The following SLMAP variants were observed in gnomAD, a reference collection of about 807,000 sequenced individuals.
SLMAP encodes the protein sarcolemma associated protein, also known as sarcolemmal membrane-associated protein.
SLMAP carries 44 observed loss-of-function variants against 128.8 expected under a neutral mutation model. The observed-to-expected ratio is 0.34, with a 90% confidence interval of 0.27 to 0.44. SLMAP has a LOEUF of 0.44. SLMAP is among the 20% of genes least tolerant of loss of function. SLMAP has a pLI of 1.00. For missense variants in SLMAP, 787 were observed against 985.3 expected (o/e 0.80, Z 2.69); for synonymous variants, 327 against 348.8 (o/e 0.94, Z 0.70).
intron 14 of SLMAP, among the ~76,000 whole-genome samples, chr3:57,875,274 AG>A (rs1261705928): frequency 6.6e-6 from 1 of 152,220 alleles, no homozygotes; most frequent in Non-Finnish European, 1.5e-5. Flanking sequence ...CTGTAATCTC[AG>A]CACTTCAGGA....
At chr3:57,775,060 C>CTT (rs530444970) in intron 2 of SLMAP, among the ~76,000 whole-genome samples, 1 of 145,582 alleles carries the variant, frequency 6.9e-6, no homozygotes. Flanking sequence ...TTATATTTTT[C>CTT]TTTTTTTTTT....
At chr3:57,876,825 T>C (rs1026072227) in intron 14 of SLMAP, among the ~76,000 whole-genome samples, 10 of 152,210 alleles carry the variant, frequency 6.6e-5, no homozygotes, top group Non-Finnish European at 1.2e-4. Flanking sequence ...TTGGTGGGCA[T>C]AGAGTGAGAG....
intron 17 of SLMAP, among the ~76,000 whole-genome samples, chr3:57,903,721 C>T (rs1381817888): frequency 6.6e-6 from 1 of 152,192 alleles, no homozygotes; most frequent in Non-Finnish European, 1.5e-5. Context: ...TAAACATATA[C>T]AATTCATGTT....
intron 2 of SLMAP, among the ~76,000 whole-genome samples, chr3:57,813,866 CTT>C (rs1006867214): frequency 1.3e-5 from 2 of 152,042 alleles, no homozygotes; most frequent in African/African-American, 4.8e-5. Flanking sequence ...CTTTGCCAAA[CTT>C]ATATTAAACA....
At chr3:57,828,964 G>T (rs1047559680) in intron 2 of SLMAP, among the ~76,000 whole-genome samples, 6 of 151,914 alleles carry the variant, frequency 3.9e-5, no homozygotes, top group Admixed American at 1.3e-4. Flanking sequence ...GTATTTTTTT[G>T]TAGGGATGGG....
intron 3 of SLMAP, among the ~76,000 whole-genome samples, chr3:57,833,791 A>T (rs890008925): frequency 9.4e-5 from 12 of 127,102 alleles, no homozygotes; most frequent in Non-Finnish European, 1.8e-4. Flanking sequence ...GATTAGATTT[A>T]AAAAAAAAAA....
At chr3:57,803,502 T>TA (rs1208908073) in intron 2 of SLMAP, among the ~76,000 whole-genome samples, 1 of 152,278 alleles carries the variant, frequency 6.6e-6, no homozygotes, top group Non-Finnish European at 1.5e-5. Context: ...CAAAGCCATC[T>TA]AGATCCTTGT....
At chr3:57,915,646 A>G (rs544814630) in intron 21 of SLMAP, among the ~76,000 whole-genome samples, 12 of 152,318 alleles carry the variant, frequency 7.9e-5, no homozygotes, top group African/African-American at 2.6e-4. Flanking sequence ...GTCTTGAATG[A>G]TCCATTCTGA....
At chr3:57,890,014 G>T (rs2096015512) in intron 14 of SLMAP, 27 bp from the exon 15 acceptor site, 7 of 1,548,078 alleles carry the variant, frequency 4.5e-6, no homozygotes, top group Non-Finnish European at 6.3e-6. Context: ...TTTGGGCTTG[G>T]ATGGTAACGT....
chr3:57,799,221 G>A (rs1416648421), intron 2 of SLMAP, among the ~76,000 whole-genome samples: 1 of 152,194 alleles, frequency 6.6e-6, no homozygotes, highest in East Asian at 1.9e-4. Context: ...TTTGCTAATC[G>A]TAATAACTTT....
At position 57,811,828 on chromosome 3, in the gene SLMAP, G is replaced by T. The variant is rs974541024; in HGVS notation, c.199-19555G>T. On this transcript the variant is annotated intron_variant, in intron 2 of 24. Coordinates refer to ENST00000671191, the MANE Select transcript of SLMAP (RefSeq NM_001377540.1). ...TGTTTGCATTTCTCTAATGATTAGT[G>T]ATGTTCAGCATCTTTTCATGTGCTT... Among the ~76,000 whole-genome samples the T allele has an allele frequency of 2.0e-5, 3 of 152,274 alleles. No homozygotes were observed. In the East Asian group the frequency reaches 5.8e-4, roughly 29 times the overall value.
intron 6 of SLMAP, among the ~76,000 whole-genome samples, chr3:57,854,900 T>A (rs2094695499): frequency 6.6e-6 from 1 of 152,222 alleles, no homozygotes; most frequent in African/African-American, 2.4e-5. Flanking sequence ...GTGAACATTA[T>A]ACATTGTACT....
rs543002222 is a variant in SLMAP at position 57,915,807 on chromosome 3, A to T, written c.2139-1099A>T. Among the ~76,000 whole-genome samples, 12 of 152,306 alleles carry T rather than the reference A, an allele frequency of 7.9e-5. No individual in the cohort carries two copies. In the South Asian group the frequency reaches 2.5e-3, roughly 32 times the overall value. ...TTGAAGAAGGAATTTCTGTTCACAC[A>T]TATCAAGCTGTTCTCCACATATGTT... On this transcript the variant is annotated intron_variant, in intron 21 of 24. Coordinates refer to ENST00000671191, the MANE Select transcript of SLMAP (RefSeq NM_001377540.1).
chr3:57,859,917 G>T (rs967552442), intron 8 of SLMAP, among the ~76,000 whole-genome samples: 1 of 152,136 alleles, frequency 6.6e-6, no homozygotes, highest in Non-Finnish European at 1.5e-5. Flanking sequence ...CAAGATAAGT[G>T]ATTTTCTCCC....
At position 57,841,325 on chromosome 3, in the gene SLMAP, A is replaced by G; in HGVS notation, c.373A>G (p.Ile125Val). The G allele has an allele frequency of 5.0e-6, 8 of 1,608,756 alleles. No homozygotes were observed. The highest frequency in any genetic ancestry group is 6.8e-6 in the Non-Finnish European group (8 of 1,176,642). The change falls in exon 4 of 25, where the codon ATA becomes GTA. Residue 125 changes from isoleucine (I) to valine (V), a missense_variant. Physicochemically the swap from Ile to Val is conservative, Grantham distance 29. Transcript: ENST00000671191. ...TACCCATGGGTGTATTGTTTCCACA[A>G]TAAAACTTTTTCTACCAGATGGTAT... is the stretch of plus-strand genomic sequence containing the variant. ...KVTHGCIVST[I>V]KLFLPDGMEA...
Position 57,909,059 on chromosome 3 carries a change from T to C in SLMAP, c.1625-17T>C. Reference sequence around the variant, plus strand: ...AATTCACAAAACTATTAATAGATACTGTGTTTTTACTTTTAGCTCTTTTGG... The same window carrying C: ...AATTCACAAAACTATTAATAGATACCGTGTTTTTACTTTTAGCTCTTTTGG... On this transcript the variant is annotated splice_polypyrimidine_tract_variant and intron_variant, in intron 18 of 24. Transcript: ENST00000671191. 6.4e-7 allele frequency: 1 copy of C among 1,561,342 alleles called. No homozygotes were observed. The highest frequency in any genetic ancestry group is 8.8e-7 in the Non-Finnish European group (1 of 1,137,616).
chr3:57,854,032 AATGTG>A (rs2094642827), intron 6 of SLMAP, among the ~76,000 whole-genome samples: 1 of 108,474 alleles, frequency 9.2e-6, no homozygotes, highest in Non-Finnish European at 1.8e-5. Flanking sequence ...TATAATATAT[AATGTG>A]TATATATATA....
intron 2 of SLMAP, among the ~76,000 whole-genome samples, chr3:57,810,217 C>T (rs1387210389): frequency 2.6e-5 from 4 of 152,306 alleles, no homozygotes; most frequent in East Asian, 1.9e-4. Flanking sequence ...TGGAGCTGCC[C>T]GCCCCACTGC....
intron 2 of SLMAP, among the ~76,000 whole-genome samples, chr3:57,777,972 C>T (rs1263720153): frequency 6.6e-6 from 1 of 152,186 alleles, no homozygotes; most frequent in African/African-American, 2.4e-5. Context: ...CTGAGATAAA[C>T]TACACTTGGT....
Sources: gnomAD v4.1 joint callset for allele counts (sites outside exome capture counted in the v4.1 genomes callset) on GRCh38, gnomAD v4.1.1 for gene constraint, MANE v1.5 for transcripts, NCBI Gene and HGNC (gene_info 2026-07-23, HGNC 2026-07-21) for gene names.